Variants in RIPOR2 observed in about 807,000 individuals in gnomAD.
RIPOR2 encodes rho family-interacting cell polarization regulator 2.
Under a neutral mutation model 114.5 loss-of-function variants are expected in RIPOR2, and 39 were observed. The ratio of observed to expected loss-of-function variants is 0.34; its 90% CI spans 0.26 to 0.44. The LOEUF is 0.44. Ranked by LOEUF, RIPOR2 falls within the 20% of genes least tolerant of loss-of-function variation. The probability of loss-of-function intolerance (pLI) is 1.00; values close to 1 mark genes in which losing one functional copy is unlikely to be tolerated. For missense variants in RIPOR2, 1,007 were observed against 1,255.1 expected (o/e 0.80, Z 2.99); for synonymous variants, 445 against 484.4 (o/e 0.92, Z 1.07).
intron 1 of RIPOR2, among the ~76,000 whole-genome samples, chr6:24,925,446 G>A (rs958146619): frequency 1.3e-5 from 2 of 152,146 alleles, no homozygotes; most frequent in Non-Finnish European, 2.9e-5. Flanking sequence ...GGTCATGCCT[G>A]TAATCCCAGC....
intron 1 of RIPOR2, among the ~76,000 whole-genome samples, chr6:24,941,726 C>T (rs1772141926): frequency 6.6e-6 from 1 of 152,198 alleles, no homozygotes; most frequent in African/African-American, 2.4e-5. Context: ...AAATTTACCT[C>T]TCAGGGTTTG....
chr6:24,839,993 A>T, intron 13 of RIPOR2: 1 of 941,338 alleles, frequency 1.1e-6, no homozygotes, highest in Non-Finnish European at 1.2e-6. Context: ...TCTGTCACTC[A>T]GGCTGGAGTG....
rs1216006092 is a variant in RIPOR2 at position 25,012,101 on chromosome 6, T to G, written c.76+29750A>C. 3.3e-5 allele frequency among the ~76,000 whole-genome samples: 5 copies of G among 152,294 alleles called. No homozygotes were observed. The South Asian group carries it at 6.2e-4, about 19-fold the overall frequency. On this transcript the variant is annotated intron_variant, in intron 1 of 13. Coordinates refer to the RIPOR2 transcript ENST00000510784. Reference sequence around the variant, plus strand: ...TGAATAGACATTTCTCCAAAGGAGATATGCAAATGGCTAATAATCACATGA... The same window carrying G: ...TGAATAGACATTTCTCCAAAGGAGAGATGCAAATGGCTAATAATCACATGA...
In RIPOR2 at chr6:24,852,595, A is replaced by T; in HGVS notation, c.739T>A (p.Cys247Ser). ...CTTACTTCATATTGATCTCCAGGAC[A>T]GAGGCGTGCAAAGCCAGCCAGACCT... ...MKGLAGFARLCPGDQYEIFMK... is the reference protein window; with the variant it reads ...MKGLAGFARLSPGDQYEIFMK... The change falls in exon 9 of 22, where the codon TGT becomes AGT. Residue 247 changes from cysteine to serine, a missense_variant. Physicochemically the swap from Cys to Ser is moderately radical, Grantham distance 112. Transcript: ENST00000643898. The T allele has an allele frequency of 6.3e-7, 1 of 1,598,948 alleles. No individual in the cohort carries two copies. The highest frequency in any genetic ancestry group is 8.5e-7 in the Non-Finnish European group (1 of 1,175,572).
intron 1 of RIPOR2, among the ~76,000 whole-genome samples, chr6:24,986,233 T>G (rs1163787687): frequency 2.6e-5 from 4 of 152,196 alleles, no homozygotes; most frequent in African/African-American, 9.7e-5. Context: ...CCAGTCTACC[T>G]ACAGGGAAGT....
chr6:24,848,402 T>A (rs1001242138), intron 11 of RIPOR2, among the ~76,000 whole-genome samples: 1 of 152,216 alleles, frequency 6.6e-6, no homozygotes, highest in Non-Finnish European at 1.5e-5. Context: ...AATTTAGCTA[T>A]ACACTTAGAT....
chr6:24,931,090 A>T (rs1281218098), intron 1 of RIPOR2, among the ~76,000 whole-genome samples: 2 of 152,230 alleles, frequency 1.3e-5, no homozygotes, highest in Non-Finnish European at 2.9e-5. Flanking sequence ...CATAATATGA[A>T]TTTAATTGCT....
At chr6:25,038,794 A>G (rs745974104) in intron 1 of RIPOR2, among the ~76,000 whole-genome samples, 1 of 152,260 alleles carries the variant, frequency 6.6e-6, no homozygotes, top group African/African-American at 2.4e-5. Flanking sequence ...GTTTTAAGGC[A>G]ATAAACTTGT....
chr6:24,892,328 T>C (rs193109825), intron 1 of RIPOR2, among the ~76,000 whole-genome samples: 9 of 152,294 alleles, frequency 5.9e-5, no homozygotes, highest in Admixed American at 4.6e-4. Flanking sequence ...GATAGTATAA[T>C]GGCGCAATCA....
At position 24,839,167 on chromosome 6, in the gene RIPOR2, C is replaced by T. The variant is rs997130070; in HGVS notation, c.1963G>A (p.Glu655Lys). ...FLNTSDFDEE[E>K]DGDEVCNVGG... is the part of the protein sequence containing the mutation. The stretch of plus-strand genomic sequence containing the variant: ...ACATTACAAACCTCATCACCATCCT[C>T]CTCCTCGTCAAAATCAGAGGTGTTC... The change falls in exon 14 of 22, where the codon GAG becomes AAG. Residue 655 changes from glutamate to lysine, a missense_variant. Glu to Lys is a moderately conservative substitution (Grantham distance 56). Coordinates refer to ENST00000643898, the MANE Select transcript of RIPOR2 (RefSeq NM_001286445.3). 6.4e-6 allele frequency: 10 copies of T among 1,551,616 alleles called. No individual in the cohort carries two copies. In the African/African-American group the frequency reaches 1.2e-4, roughly 19 times the overall value.
At chr6:24,826,284 A>T (rs1033301407) in intron 18 of RIPOR2, among the ~76,000 whole-genome samples, 5 of 152,154 alleles carry the variant, frequency 3.3e-5, no homozygotes, top group African/African-American at 1.2e-4. Context: ...TAAGGTTTTG[A>T]GTCCCATTTG....
At chr6:24,851,955 C>T (rs1473081511) in intron 9 of RIPOR2, among the ~76,000 whole-genome samples, 1 of 130,120 alleles carries the variant, frequency 7.7e-6, no homozygotes, top group African/African-American at 2.9e-5. Flanking sequence ...GCATCTTGCT[C>T]TAAAATGGTT....
intron 1 of RIPOR2, among the ~76,000 whole-genome samples, chr6:24,890,649 A>AT (rs113557258): frequency 0.19 from 28,373 of 150,022 alleles, 3,098 homozygotes; most frequent in East Asian, 0.33. Context: ...TACCCAATAG[A>AT]TTTTTTTCTT....
intron 1 of RIPOR2, among the ~76,000 whole-genome samples, chr6:24,912,193 T>C (rs1024669721): frequency 3.9e-5 from 6 of 152,208 alleles, no homozygotes; most frequent in Admixed American, 6.5e-5. Flanking sequence ...TGTGAGTTCA[T>C]AGGGCAGGGA....
At chr6:25,004,989 ACACACAC>A (rs1561838715) in intron 1 of RIPOR2, among the ~76,000 whole-genome samples, 1 of 166 alleles carries the variant, frequency 6.0e-3, no homozygotes, top group Non-Finnish European at 0.017. Flanking sequence ...AATAGGCTAC[ACACACAC>A]ACACACACAC....
chr6:24,846,949 C>A (rs1021890741), intron 12 of RIPOR2, among the ~76,000 whole-genome samples: 1 of 152,024 alleles, frequency 6.6e-6, no homozygotes, highest in Non-Finnish European at 1.5e-5. Context: ...TCCTTGAATG[C>A]CAATTTTTTG....
At chr6:24,824,354 A>G (rs1276048326) in intron 19 of RIPOR2, among the ~76,000 whole-genome samples, 1 of 152,238 alleles carries the variant, frequency 6.6e-6, no homozygotes, top group African/African-American at 2.4e-5. Flanking sequence ...TCTTGTGAGT[A>G]CACAAACGTT....
At chr6:25,018,978 C>A (rs539682565) in intron 1 of RIPOR2, among the ~76,000 whole-genome samples, 2 of 152,214 alleles carry the variant, frequency 1.3e-5, no homozygotes, top group Admixed American at 1.3e-4. Flanking sequence ...TACCTATTAG[C>A]TGGGATTTTC....
At chr6:25,017,309 C>T (rs1269736834) in intron 1 of RIPOR2, among the ~76,000 whole-genome samples, 1 of 152,228 alleles carries the variant, frequency 6.6e-6, no homozygotes, top group African/African-American at 2.4e-5. Flanking sequence ...GTGACAGACT[C>T]TGTCTCAAAA....
Sources: gnomAD v4.1 joint callset for allele counts (sites outside exome capture counted in the v4.1 genomes callset) on GRCh38, gnomAD v4.1.1 for gene constraint, MANE v1.5 for transcripts, NCBI Gene and HGNC (gene_info 2026-07-23, HGNC 2026-07-21) for gene names.